The following NELL1 variants were observed in gnomAD, a reference collection of about 807,000 sequenced individuals.
NELL1 encodes the protein protein kinase C-binding protein NELL1.
A neutral mutation model predicts 107.4 loss-of-function variants in NELL1; 76 were observed. The observed-to-expected ratio is 0.71, with a 90% confidence interval of 0.59 to 0.86. The LOEUF is 0.86. Among genes scored for constraint, NELL1 ranks in the 40% least tolerant of loss-of-function variants. NELL1 has a pLI of 0.00. For missense variants in NELL1, 1,024 were observed against 1,005.5 expected, an observed-to-expected ratio of 1.02 and a Z score of -0.25; for synonymous variants, 353 against 341.2, an observed-to-expected ratio of 1.03 and a Z score of -0.38.
At chr11:20,732,405 G>T (rs186218635) in intron 2 of NELL1, among the ~76,000 whole-genome samples, 1 of 152,236 alleles carries the variant, frequency 6.6e-6, no homozygotes, top group Non-Finnish European at 1.5e-5. Flanking sequence ...TGCACTAATA[G>T]TTTGGGGTCC....
At chr11:20,705,395 A>G (rs1854919754) in intron 2 of NELL1, among the ~76,000 whole-genome samples, 1 of 152,104 alleles carries the variant, frequency 6.6e-6, no homozygotes, top group Admixed American at 6.6e-5. Flanking sequence ...GACAAACCTG[A>G]CAAAAACAAG....
At chr11:21,051,706 T>C (rs10430906) in intron 12 of NELL1, among the ~76,000 whole-genome samples, 60,142 of 151,942 alleles carry the variant, frequency 0.4, 14,423 homozygotes, top group African/African-American at 0.67. Flanking sequence ...TGATCTTCAC[T>C]GCATGTCTAG....
intron 14 of NELL1, among the ~76,000 whole-genome samples, chr11:21,256,144 A>T (rs1858762366): frequency 6.6e-6 from 1 of 151,966 alleles, no homozygotes; most frequent in Non-Finnish European, 1.5e-5. Flanking sequence ...CAGTGAATGG[A>T]TGTCCAACAC....
At chr11:20,853,072 C>T (rs1425979768) in intron 4 of NELL1, among the ~76,000 whole-genome samples, 1 of 152,170 alleles carries the variant, frequency 6.6e-6, no homozygotes, top group East Asian at 1.9e-4. Context: ...ATAGTTTCAC[C>T]ATTATGTGAT....
rs149123260 is a variant in NELL1, at chr11:21,210,474, T to C, written c.1427-18858T>C. On this transcript the variant is annotated intron_variant, in intron 13 of 19. Coordinates refer to ENST00000357134, the MANE Select transcript of NELL1 (RefSeq NM_006157.5). ...GTGGCTTTGCATTAGATTTCCCTAA[T>C]TGTTAATGATGTTGAGAATCTTTTC... Among the ~76,000 whole-genome samples, 726 of 152,294 alleles carry C rather than the reference T, an allele frequency of 4.8e-3. 7 individuals are homozygous for C. The highest frequency in any genetic ancestry group is 0.017 in the African/African-American group (701 of 41,596).
chr11:21,156,284 T>G (rs558671302), intron 13 of NELL1, among the ~76,000 whole-genome samples: 2 of 152,312 alleles, frequency 1.3e-5, no homozygotes, highest in South Asian at 2.1e-4. Context: ...TCATACGTTT[T>G]AAGCAAAACC....
intron 3 of NELL1, among the ~76,000 whole-genome samples, chr11:20,840,113 T>C (rs1427507581): frequency 6.6e-6 from 1 of 152,218 alleles, no homozygotes; most frequent in African/African-American, 2.4e-5. Context: ...GGTTTATTTA[T>C]ATTAAATTAC....
At chr11:20,969,519 G>A (rs1851452882) in intron 12 of NELL1, among the ~76,000 whole-genome samples, 1 of 151,886 alleles carries the variant, frequency 6.6e-6, no homozygotes, top group African/African-American at 2.4e-5. Context: ...GAACATGGAA[G>A]ATAGAACTGC....
chr11:20,912,087 A>T (rs1424435435), intron 5 of NELL1, among the ~76,000 whole-genome samples: 1 of 152,198 alleles, frequency 6.6e-6, no homozygotes, highest in African/African-American at 2.4e-5. Context: ...TTAAAATAAC[A>T]TTATTCTCTA....
intron 3 of NELL1, among the ~76,000 whole-genome samples, chr11:20,842,876 T>TAA (rs1313263832): frequency 6.6e-6 from 1 of 152,188 alleles, no homozygotes; most frequent in African/African-American, 2.4e-5. Flanking sequence ...TATACAGACC[T>TAA]AAAGGCAGTT....
At chr11:20,911,101 T>G (rs578229917) in intron 5 of NELL1, among the ~76,000 whole-genome samples, 20 of 152,342 alleles carry the variant, frequency 1.3e-4, no homozygotes, top group African/African-American at 4.6e-4. Context: ...TTCTTCCTAT[T>G]ATCTATTCCA....
At chr11:20,806,895 C>G (rs1215009948) in intron 3 of NELL1, among the ~76,000 whole-genome samples, 1 of 152,210 alleles carries the variant, frequency 6.6e-6, no homozygotes, top group South Asian at 2.1e-4. Flanking sequence ...CTGTTTGATT[C>G]TTATTTCAAT....
intron 13 of NELL1, among the ~76,000 whole-genome samples, chr11:21,204,935 C>T (rs1005797201): frequency 7.2e-5 from 11 of 152,154 alleles, no homozygotes; most frequent in Non-Finnish European, 1.6e-4. Context: ...GTATCACCAG[C>T]AGACGCTGCA....
At chr11:20,797,514 C>G (rs918598734) in intron 3 of NELL1, among the ~76,000 whole-genome samples, 7 of 133,098 alleles carry the variant, frequency 5.3e-5, no homozygotes, top group Non-Finnish European at 1.5e-5. Context: ...TGCAGTGAGC[C>G]GAGATCGCGG....
chr11:21,094,544 T>G lies in NELL1; in HGVS notation c.1301-19045T>G, dbSNP rs746162788. On this transcript the variant is annotated intron_variant, in intron 12 of 19. Transcript: ENST00000357134. ...CGCCCTAGCAGAGGCTCTCCATGAGTGTCCTGCCCCTGCAGCAAACTTCTG... is the reference window on the plus strand; with the variant it reads ...CGCCCTAGCAGAGGCTCTCCATGAGGGTCCTGCCCCTGCAGCAAACTTCTG... 9.1e-4 allele frequency among the ~76,000 whole-genome samples: 139 copies of G among 152,220 alleles called. 2 individuals are homozygous for G. Among genetic ancestry groups the G allele is most frequent in the Non-Finnish European group, 2.5e-4 (17 of 68,038 alleles).
At chr11:21,435,473 G>A (rs972721480) in intron 15 of NELL1, among the ~76,000 whole-genome samples, 1 of 147,334 alleles carries the variant, frequency 6.8e-6, no homozygotes, top group Non-Finnish European at 1.5e-5. Flanking sequence ...AGAGATGTTA[G>A]CTTTTATCGT....
rs556181510 is a variant in NELL1, at chr11:20,729,169, G to A, written c.184+51109G>A. Among the ~76,000 whole-genome samples the A allele has an allele frequency of 2.6e-5, 4 of 151,950 alleles. No individual in the cohort carries two copies. The East Asian group carries it at 5.8e-4, about 22-fold the overall frequency. On this transcript the variant is annotated intron_variant, in intron 2 of 19. Transcript: ENST00000357134. ...TTAACATTGATTTTGTGTCATGAAA[G>A]CTTGCTGAAACAGTTTATTAGCTCT... is the stretch of plus-strand genomic sequence containing the variant.
intron 12 of NELL1, among the ~76,000 whole-genome samples, chr11:21,100,809 A>G (rs545438473): frequency 3.9e-5 from 6 of 152,294 alleles, no homozygotes; most frequent in African/African-American, 7.2e-5. Context: ...GAGACAGTAT[A>G]GCAAAGTACA....
At chr11:21,006,042 G>T (rs1468717160) in intron 12 of NELL1, among the ~76,000 whole-genome samples, 3 of 151,842 alleles carry the variant, frequency 2.0e-5, no homozygotes, top group Non-Finnish European at 2.9e-5. Context: ...AGATTTGGGG[G>T]GGGGAGTGGG....
Sources: gnomAD v4.1 joint callset for allele counts (sites outside exome capture counted in the v4.1 genomes callset) on GRCh38, gnomAD v4.1.1 for gene constraint, MANE v1.5 for transcripts, NCBI Gene and HGNC (gene_info 2026-07-23, HGNC 2026-07-21) for gene names.